INCA1: variants seen among roughly 807,000 people sequenced by gnomAD.
INCA1 encodes the protein protein INCA1.
In INCA1, 28 loss-of-function variants were observed where a neutral mutation model predicts 25.7. That is an observed-to-expected ratio of 1.09 (90% CI 0.81 to 1.49). The LOEUF (loss-of-function observed/expected upper bound fraction) is 1.49. INCA1 is among the 40% of genes most tolerant of loss of function. INCA1 has a pLI of 0.00. For synonymous variants in INCA1, 111 were observed against 103.6 expected, an observed-to-expected ratio of 1.07 and a Z score of -0.43; for missense variants, 309 against 290.9, an observed-to-expected ratio of 1.06 and a Z score of -0.45.
intron 2 of INCA1, 125 bp from the exon 3 acceptor site, chr17:4,990,390 C>G (rs562520842): frequency 9.8e-7 from 1 of 1,024,512 alleles, no homozygotes; most frequent in Non-Finnish European, 1.4e-6. Flanking sequence ...GGGCCATGTC[C>G]TCTCTTAACC....
At chr17:4,988,646 CTGGTTCTCACCTACGTTATTTT>C in intron 6 of INCA1, 92 bp from the exon 7 acceptor site, 1 of 1,569,854 alleles carries the variant, frequency 6.4e-7, no homozygotes, top group Non-Finnish European at 8.7e-7. Context: ...CTCGAAGTCT[CTGGTTCTCACCTACGTTATTTT>C]TGTTTCTCTC....
exon 7 of INCA1, chr17:4,988,392 C>G (rs72838317): frequency 7.6e-6 from 12 of 1,583,202 alleles, no homozygotes; most frequent in Non-Finnish European, 1.0e-5. Context: ...CTCTCGGCAT[C>G]GGTGGTTTCT....
At chr17:4,994,704 C>T (rs1290180464) in intron 1 of INCA1, among the ~76,000 whole-genome samples, 3 of 147,232 alleles carry the variant, frequency 2.0e-5, no homozygotes, top group Non-Finnish European at 4.5e-5. Flanking sequence ...GCAGAAGAAT[C>T]GCTTGAACCT....
In INCA1 at chr17:4,994,425, C is replaced by A. The variant is rs201029616; in HGVS notation, c.13G>T (p.Asp5Tyr). ...AAGGGGATGAGGTTGACTCCATCAT[C>A]CTGCACCTGCATGACTGGACGGGGC... Residue 5 changes from aspartate (D) to tyrosine (Y), a missense_variant, in exon 2 of 7, where the codon GAT becomes TAT. Coordinates refer to ENST00000576820, the Ensembl canonical transcript of INCA1. 5.0e-5 allele frequency: 81 copies of A among 1,613,762 alleles called. No individual in the cohort carries two copies. The highest frequency in any genetic ancestry group is 8.5e-7 in the Non-Finnish European group (1 of 1,179,852).
At position 4,990,516 on chromosome 17, in the gene INCA1, C is replaced by T. The variant is rs553312459; in HGVS notation, c.45-251G>A. Among the ~76,000 whole-genome samples, 166 of 152,202 alleles carry T rather than the reference C, an allele frequency of 1.1e-3. 2 individuals are homozygous for T. The highest frequency in any genetic ancestry group is 3.9e-3 in the African/African-American group (160 of 41,526). On this transcript the variant is annotated intron_variant, in intron 2 of 6. Transcript: ENST00000576820. ...ATCTCACTGAGTTTAAGCTCTATAT[C>T]GGGGATGTCCAATCTTTTGGCTTCC...
chr17:4,996,785 G>A (rs1183536331), intron 1 of INCA1: 1 of 152,646 alleles, frequency 6.6e-6, no homozygotes, highest in Admixed American at 6.6e-5. Context: ...ATTTATCCAA[G>A]GGAACTAGGG....
At chr17:4,989,860 A>C in intron 4 of INCA1, 30 bp downstream of exon 4, 1 of 1,614,156 alleles carries the variant, frequency 6.2e-7, no homozygotes, top group Non-Finnish European at 8.5e-7. Context: ...TTTAACAGAG[A>C]AATGTTAAAC....
At chr17:4,994,348 C>A (rs762548317) in intron 2 of INCA1, 46 bp downstream of exon 2, 25 of 1,571,556 alleles carry the variant, frequency 1.6e-5, no homozygotes, top group Middle Eastern at 1.8e-4. Flanking sequence ...CATGCAATAT[C>A]CCCTCCATCC....
In INCA1 at chr17:4,990,138, TCTC is replaced by T. The variant is rs750937132; in HGVS notation, c.158+11_158+13del. 6.2e-7 allele frequency: 1 copy of T among 1,614,126 alleles called. No individual in the cohort carries two copies. Among genetic ancestry groups the T allele is most frequent in the East Asian group, 2.2e-5 (1 of 44,892 alleles). On this transcript the variant is annotated intron_variant, in intron 3 of 6. Transcript: ENST00000576820. ...GACCACATCCAGTTAGTTTCCATTT[TCTC>T]CTCTACTCACGTGGGCCTTTGATTA... is the stretch of plus-strand genomic sequence containing the variant.
rs1356657284 is a variant in INCA1 at position 4,994,663 on chromosome 17, G to A, written c.-38-188C>T. ...ACATTAGTCGGGTGTGGTGGCGCGCGCCTATAGTCCCAGCTACCCAGAAAG... is the reference window on the plus strand; with the variant it reads ...ACATTAGTCGGGTGTGGTGGCGCGCACCTATAGTCCCAGCTACCCAGAAAG... On this transcript the variant is annotated intron_variant, in intron 1 of 6. Coordinates refer to ENST00000576820, the Ensembl canonical transcript of INCA1. 4.0e-5 allele frequency among the ~76,000 whole-genome samples: 6 copies of A among 151,860 alleles called. No individual in the cohort carries two copies. In the East Asian group the frequency reaches 5.8e-4, roughly 15 times the overall value.
intron 2 of INCA1, among the ~76,000 whole-genome samples, chr17:4,992,437 A>G (rs994212765): frequency 8.6e-5 from 13 of 151,658 alleles, no homozygotes; most frequent in African/African-American, 1.7e-4. Flanking sequence ...GTGTGCCACC[A>G]TGCCTGGCTA....
intron 2 of INCA1, among the ~76,000 whole-genome samples, chr17:4,990,944 G>A (rs1365187263): frequency 1.3e-5 from 2 of 150,480 alleles, no homozygotes; most frequent in Non-Finnish European, 3.0e-5. Flanking sequence ...TATTGAGACC[G>A]TTTCACTCTT....
upstream of INCA1, chr17:4,997,455 C>G (rs1357652501): frequency 6.6e-6 from 1 of 152,210 alleles, no homozygotes; most frequent in Non-Finnish European, 1.5e-5. Context: ...ACAGAGCGCC[C>G]GAGTAGCCGC....
intron 1 of INCA1, among the ~76,000 whole-genome samples, 160 bp from the exon 2 acceptor site, chr17:4,994,635 C>T (rs992956628): frequency 6.6e-6 from 1 of 151,896 alleles, no homozygotes; most frequent in Non-Finnish European, 1.5e-5. Context: ...GCTAAAAATA[C>T]AAACATTAGT....
At chr17:4,988,325 G>A in exon 7 of INCA1, 1 of 1,445,190 alleles carries the variant, frequency 6.9e-7, no homozygotes. Flanking sequence ...CTTCATGTCA[G>A]CAATGAGGGT....
At chr17:4,989,309 CCTCCCCTCAAAG>C in intron 5 of INCA1, 107 bp downstream of exon 5, 1 of 925,254 alleles carries the variant, frequency 1.1e-6, no homozygotes. Context: ...TTCCAAGCAA[CCTCCCCTCAAAG>C]CTCCCCTCAA....
At chr17:4,989,971 T>C in intron 3 of INCA1, 42 bp from the exon 4 acceptor site, 2 of 1,613,580 alleles carry the variant, frequency 1.2e-6, no homozygotes, top group Non-Finnish European at 1.7e-6. Context: ...AGAGGGGACA[T>C]GTCCATCCAT....
chr17:4,990,964 G>C (rs1042758857), intron 2 of INCA1, among the ~76,000 whole-genome samples: 2 of 150,974 alleles, frequency 1.3e-5, no homozygotes, highest in Admixed American at 1.3e-4. Flanking sequence ...TGTCACCCAG[G>C]CTGGAGTGCA....
intron 4 of INCA1, 102 bp from the exon 5 acceptor site, chr17:4,989,726 CTG>C (rs1235321326): frequency 6.4e-7 from 1 of 1,555,612 alleles, no homozygotes; most frequent in Non-Finnish European, 8.9e-7. Context: ...GGGAAGACCC[CTG>C]TGATCTCGAA....
Sources: gnomAD v4.1 joint callset for allele counts (sites outside exome capture counted in the v4.1 genomes callset) on GRCh38, gnomAD v4.1.1 for gene constraint, MANE v1.5 for transcripts, NCBI Gene and HGNC (gene_info 2026-07-23, HGNC 2026-07-21) for gene names.